Variants in ADD2 observed in about 807,000 individuals in gnomAD.
ADD2 encodes adducin 2, also known as beta-adducin.
ADD2 carries 23 observed loss-of-function variants against 83.0 expected under a neutral mutation model. The ratio of observed to expected loss-of-function variants is 0.28; its 90% confidence interval spans 0.20 to 0.39. The LOEUF (loss-of-function observed/expected upper bound fraction) is 0.39, where lower values mean the gene tolerates loss of function less well. Among genes scored for constraint, ADD2 ranks in the 10% least tolerant of loss-of-function variants. ADD2 has a pLI of 1.00. For missense variants in ADD2, 758 were observed against 944.9 expected (o/e 0.80, Z 2.59); for synonymous variants, 375 against 375.4 (o/e 1.00, Z 0.01).
chr2:70,688,204 A>G, intron 8 of ADD2, 82 bp from the exon 9 acceptor site: 1 of 1,146,700 alleles, frequency 8.7e-7, no homozygotes, highest in Non-Finnish European at 1.3e-6. Flanking sequence ...TTTTATTTAG[A>G]TCAACTTCCA....
intron 9 of ADD2, chr2:70,687,460 G>A (rs1670795915): frequency 6.5e-6 from 1 of 153,700 alleles, no homozygotes; most frequent in South Asian, 2.0e-4. Context: ...ATTTCATGAT[G>A]GCTTCCTGGA....
At chr2:70,767,506 AGAGGGGAGGGGAGG>A (rs150293159) in intron 1 of ADD2, 49,499 of 425,800 alleles carry the variant, frequency 0.12, 2,901 homozygotes, top group Non-Finnish European at 0.13. Context: ...GGAAGGAAAG[AGAGGGGAGGGGAGG>A]GAGGGGAGGG....
intron 1 of ADD2, among the ~76,000 whole-genome samples, chr2:70,741,870 C>T (rs562763922): frequency 1.6e-4 from 25 of 152,328 alleles, no homozygotes; most frequent in Middle Eastern, 3.4e-3. Context: ...CAGCCTCGGT[C>T]ACAATACCAG....
chr2:70,752,364 T>C (rs1674549951), intron 1 of ADD2, among the ~76,000 whole-genome samples: 1 of 152,194 alleles, frequency 6.6e-6, no homozygotes, highest in Non-Finnish European at 1.5e-5. Context: ...CCACTTTTCT[T>C]ATCCAAGAAA....
At chr2:70,692,039 C>T (rs1454965495) in intron 7 of ADD2, among the ~76,000 whole-genome samples, 1 of 152,218 alleles carries the variant, frequency 6.6e-6, no homozygotes, top group Non-Finnish European at 1.5e-5. Context: ...GGAAAACGGG[C>T]ACAGTCCAGG....
chr2:70,664,802 T>A (rs1037252937), intron 15 of ADD2, among the ~76,000 whole-genome samples: 15 of 151,748 alleles, frequency 9.9e-5, no homozygotes, highest in African/African-American at 3.6e-4. Flanking sequence ...GGTGTAAGTG[T>A]GTAAGTTTGA....
At chr2:70,717,026 CTCTG>C (rs1372906446) in intron 1 of ADD2, among the ~76,000 whole-genome samples, 1 of 152,172 alleles carries the variant, frequency 6.6e-6, no homozygotes, top group Non-Finnish European at 1.5e-5. Flanking sequence ...CTGCTCTCTT[CTCTG>C]TCTCTCTCAC....
At chr2:70,691,331 T>TG (rs1196136079) in intron 7 of ADD2, among the ~76,000 whole-genome samples, 1 of 152,112 alleles carries the variant, frequency 6.6e-6, no homozygotes, top group East Asian at 1.9e-4. Context: ...CCAGATCTCT[T>TG]GGGGTAGGCT....
At chr2:70,722,396 G>C (rs1399745400) in intron 1 of ADD2, among the ~76,000 whole-genome samples, 1 of 152,200 alleles carries the variant, frequency 6.6e-6, no homozygotes, top group Admixed American at 6.5e-5. Flanking sequence ...AAATGCTGGG[G>C]AAATGTGTGT....
At chr2:70,693,701 G>A (rs1180500363) in intron 6 of ADD2, among the ~76,000 whole-genome samples, 1 of 152,208 alleles carries the variant, frequency 6.6e-6, no homozygotes, top group Non-Finnish European at 1.5e-5. Flanking sequence ...CAAGTGTGGA[G>A]TGCTGCCCTC....
intron 8 of ADD2, among the ~76,000 whole-genome samples, chr2:70,689,708 G>A (rs192812126): frequency 4.5e-4 from 68 of 152,308 alleles, no homozygotes; most frequent in African/African-American, 1.5e-3. Flanking sequence ...CCAGGACAGC[G>A]GCAAAGCATC....
intron 1 of ADD2, chr2:70,760,622 G>C (rs1183687663): frequency 6.6e-6 from 1 of 152,186 alleles, no homozygotes; most frequent in Non-Finnish European, 1.5e-5. Context: ...AGGAAGGTGA[G>C]TTGTTACCTC....
chr2:70,750,542 T>C (rs1328952967), intron 1 of ADD2, among the ~76,000 whole-genome samples: 1 of 152,122 alleles, frequency 6.6e-6, no homozygotes, highest in African/African-American at 2.4e-5. Context: ...GGAAAGACCA[T>C]GTGATGACAG....
chr2:70,665,088 G>A (rs1284676419), intron 15 of ADD2, among the ~76,000 whole-genome samples: 1 of 152,172 alleles, frequency 6.6e-6, no homozygotes, highest in Non-Finnish European at 1.5e-5. Flanking sequence ...ATGCTGAGGT[G>A]TATGGAATCG....
intron 1 of ADD2, among the ~76,000 whole-genome samples, chr2:70,748,659 G>C (rs1302454037): frequency 6.6e-6 from 1 of 152,170 alleles, no homozygotes; most frequent in Non-Finnish European, 1.5e-5. Context: ...GCCACTCTTT[G>C]AGAAAGTGAA....
In ADD2 at chr2:70,656,991, C is replaced by A. The variant is rs1205793041; in HGVS notation, c.*6434G>T. On this transcript the variant is annotated 3_prime_UTR_variant, in exon 16 of 16. Coordinates refer to ENST00000264436, the MANE Select transcript of ADD2 (RefSeq NM_001617.4). Reference sequence around the variant, plus strand: ...TCAGAGATTCAAACAGAAAACTATACAAAACCAACCCATAAATATATATAT... The same window carrying A: ...TCAGAGATTCAAACAGAAAACTATAAAAAACCAACCCATAAATATATATAT... 2 of 147,922 alleles carry A rather than the reference C, an allele frequency of 1.4e-5. No homozygotes were observed. The highest frequency in any genetic ancestry group is 3.0e-5 in the Non-Finnish European group (2 of 67,146). The allele number at this position is 147,922 out of a possible 1,614,324, so 9.2% of individuals were successfully genotyped here.
In ADD2 at chr2:70,676,640, G is replaced by T; in HGVS notation, c.1593+156C>A. ...TCCCTGGTCCTCACAGCACCCCTGT[G>T]AGGTTGGCCTCCATTTTGCAGCAAG... On this transcript the variant is annotated intron_variant, in intron 13 of 15. Coordinates refer to ENST00000264436, the MANE Select transcript of ADD2 (RefSeq NM_001617.4). The surrounding 1 kb of genome is among the most constrained non-coding windows in gnomAD (Gnocchi z 4.8). 6.8e-7 allele frequency: 1 copy of T among 1,480,042 alleles called. No homozygotes were observed. Among genetic ancestry groups the T allele is most frequent in the South Asian group, 1.4e-5 (1 of 73,374 alleles). 91.7% of individuals were successfully genotyped at this position (1,480,042 alleles called of 1,614,324 possible).
Position 70,767,976 on chromosome 2 carries a change from A to C in ADD2, c.-244T>G. On this transcript the variant is annotated 5_prime_UTR_variant, in exon 1 of 16. Coordinates refer to ENST00000264436, the MANE Select transcript of ADD2 (RefSeq NM_001617.4). ...TTGGGGGGTGGGGTGCGCTTAAAAA[A>C]TCCACCCAGCTAATCTGCAGGGCAG... 6.5e-7 allele frequency: 1 copy of C among 1,535,076 alleles called. No homozygotes were observed. Among genetic ancestry groups the C allele is most frequent in the Non-Finnish European group, 8.7e-7 (1 of 1,146,344 alleles).
rs1195815408 is a variant in ADD2 at position 70,676,341 on chromosome 2, C to A, written c.1593+455G>T. 4 of 1,042,136 alleles carry A rather than the reference C, an allele frequency of 3.8e-6. No homozygotes were observed. Among genetic ancestry groups the A allele is most frequent in the Non-Finnish European group, 4.6e-6 (4 of 866,292 alleles). The allele number at this position is 1,042,136 out of a possible 1,614,324, so 64.6% of individuals were successfully genotyped here. ...TAGGAGCATGGGTCCTGTCTATATA[C>A]CCCTTCTCTATGGGTACATGATCAT... On this transcript the variant is annotated intron_variant, in intron 13 of 15. Coordinates refer to ENST00000264436, the MANE Select transcript of ADD2 (RefSeq NM_001617.4). This position sits in a 1 kb window ranked among gnomAD's most constrained non-coding sequence, Gnocchi z 4.8.
Sources: gnomAD v4.1 joint callset for allele counts (sites outside exome capture counted in the v4.1 genomes callset) on GRCh38, gnomAD v4.1.1 for gene constraint, Gnocchi (gnomAD v3.1) non-coding constraint, MANE v1.5 for transcripts, NCBI Gene and HGNC (gene_info 2026-07-23, HGNC 2026-07-21) for gene names.